Variants in PCDHGB3 observed in about 807,000 individuals in gnomAD.
PCDHGB3 encodes the protein protocadherin gamma-B3.
A neutral mutation model predicts 59.2 loss-of-function variants in PCDHGB3; 40 were observed. The ratio of observed to expected loss-of-function variants is 0.68; its 90% confidence interval spans 0.52 to 0.88. The LOEUF is 0.88. Among genes scored for constraint, PCDHGB3 ranks in the 40% least tolerant of loss-of-function variants. PCDHGB3 has a pLI of 0.00. For synonymous variants in PCDHGB3, 581 were observed against 503.6 expected, an observed-to-expected ratio of 1.15 and a Z score of -2.06; for missense variants, 1,309 against 1,187.9, an observed-to-expected ratio of 1.10 and a Z score of -1.50.
intron 1 of PCDHGB3, chr5:141,392,231 C>T (rs1225616326): frequency 6.6e-6 from 1 of 152,078 alleles, no homozygotes; most frequent in Non-Finnish European, 1.5e-5. Context: ...AACTGAAGTT[C>T]TTAGTTATTT....
Position 141,512,703 on chromosome 5 carries a change from T to C in PCDHGB3, c.*1530T>C. ...TAGCCAGTAGTGTAGTGCGGTGTGC[T>C]TTTACGTGATGGCGGGTGGGCAGCG... On this transcript the variant is annotated 3_prime_UTR_variant, in exon 4 of 4. Coordinates refer to ENST00000576222, the MANE Select transcript of PCDHGB3 (RefSeq NM_018924.5). 1 of 152,958 alleles carries C rather than the reference T, an allele frequency of 6.5e-6. No individual in the cohort carries two copies. Among genetic ancestry groups the C allele is most frequent in the East Asian group, 1.9e-4 (1 of 5,212 alleles). 9.5% of individuals were successfully genotyped at this position (152,958 alleles called of 1,614,324 possible).
rs67622091 is a variant in PCDHGB3 at position 141,388,335 on chromosome 5, C to T, written c.2415+15526C>T. ...AAGTGAGTCTGCACAGCCTGGCACA[C>T]GATTTATATTAGGATCTGCCCATGA... On this transcript the variant is annotated intron_variant, in intron 1 of 3. Transcript: ENST00000576222. 13 of 1,613,842 alleles carry T rather than the reference C, an allele frequency of 8.1e-6. No homozygotes were observed. In the East Asian group the frequency reaches 1.8e-4, roughly 22 times the overall value.
intron 1 of PCDHGB3, among the ~76,000 whole-genome samples, chr5:141,458,227 G>T (rs2154566190): frequency 6.6e-6 from 1 of 152,284 alleles, no homozygotes; most frequent in South Asian, 2.1e-4. Context: ...TCCTTTCCCA[G>T]TCCATGCACC....
intron 1 of PCDHGB3, among the ~76,000 whole-genome samples, chr5:141,488,571 A>G (rs2099677106): frequency 6.6e-6 from 1 of 152,194 alleles, no homozygotes; most frequent in East Asian, 1.9e-4. Flanking sequence ...TCCGCAAAGC[A>G]TTGCTGGAGA....
Position 141,388,463 on chromosome 5 carries a change from G to A in PCDHGB3, c.2415+15654G>A, listed in dbSNP as rs367941349. Reference sequence around the variant, plus strand: ...AATCAGATGGCAGTAAATACCCTGAGATGGTATTGAAGACACCTTTGGACA... The same window carrying A: ...AATCAGATGGCAGTAAATACCCTGAAATGGTATTGAAGACACCTTTGGACA... On this transcript the variant is annotated intron_variant, in intron 1 of 3. Coordinates refer to ENST00000576222, the MANE Select transcript of PCDHGB3 (RefSeq NM_018924.5). 143 of 1,613,666 alleles carry A rather than the reference G, an allele frequency of 8.9e-5. 2 individuals are homozygous for A. The highest frequency in any genetic ancestry group is 1.3e-5 in the Non-Finnish European group (15 of 1,179,854).
At position 141,405,002 on chromosome 5, in the gene PCDHGB3, C is replaced by T. The variant is rs2154535993; in HGVS notation, c.2415+32193C>T. ...GGGCAGTCTTCAGATCCCTGCAGAC[C>T]TGGAGGCCTCAGACCTTACCCTCTA... is the stretch of plus-strand genomic sequence containing the variant. On this transcript the variant is annotated intron_variant, in intron 1 of 3. Transcript: ENST00000576222. The T allele has an allele frequency of 1.9e-6, 3 of 1,613,870 alleles. No homozygotes were observed. In the East Asian group the frequency reaches 6.7e-5, roughly 36 times the overall value.
chr5:141,484,869 G>C (rs2154580238), intron 1 of PCDHGB3: 1 of 292,558 alleles, frequency 3.4e-6, no homozygotes, highest in African/African-American at 2.2e-5. Flanking sequence ...GGGGGAGCGT[G>C]GAGGATAGGG....
intron 1 of PCDHGB3, chr5:141,442,416 T>A (rs2098323395): frequency 6.6e-6 from 1 of 152,206 alleles, no homozygotes; most frequent in Non-Finnish European, 1.5e-5. Flanking sequence ...CTGAGTGAAC[T>A]TCTTTTTTGA....
At position 141,370,622 on chromosome 5, in the gene PCDHGB3, C is replaced by A. The variant is rs756641778; in HGVS notation, c.228C>A (p.Thr76=). 3 of 1,613,902 alleles carry A rather than the reference C, an allele frequency of 1.9e-6. No individual in the cohort carries two copies. The highest frequency in any genetic ancestry group is 2.5e-6 in the Non-Finnish European group (3 of 1,179,876). The change falls in exon 1 of 4, where the codon ACC becomes ACA. Residue 76 remains threonine (T), a synonymous_variant. Transcript: ENST00000576222. The stretch of plus-strand genomic sequence containing the variant: ...TTATTGCAGAGAAGAAATTCTTTAC[C>A]GTGAGCCCCGAAAATGGGAACTTAC... ...LRVIAEKKFF[T]VSPENGNLLV...
intron 1 of PCDHGB3, among the ~76,000 whole-genome samples, chr5:141,386,804 A>T (rs976518864): frequency 6.6e-6 from 1 of 152,238 alleles, no homozygotes; most frequent in Non-Finnish European, 1.5e-5. Context: ...AATTTATTAG[A>T]TGCATAAAAT....
chr5:141,507,810 G>A (rs550331241), intron 3 of PCDHGB3, among the ~76,000 whole-genome samples: 1 of 152,290 alleles, frequency 6.6e-6, no homozygotes, highest in African/African-American at 2.4e-5. Context: ...CCTGGGGAAC[G>A]GACCCTGGGG....
intron 1 of PCDHGB3, chr5:141,382,797 G>A: frequency 5.0e-6 from 5 of 999,472 alleles, no homozygotes; most frequent in Non-Finnish European, 5.9e-6. Context: ...TATCCTGCTG[G>A]ATTCTGAGCT....
intron 1 of PCDHGB3, chr5:141,419,126 G>A: frequency 6.2e-7 from 1 of 1,613,770 alleles, no homozygotes; most frequent in Non-Finnish European, 8.5e-7. Context: ...CGTCACCATC[G>A]CAGCCACAGA....
chr5:141,457,301 CCAAA>C (rs1163780799), intron 1 of PCDHGB3, among the ~76,000 whole-genome samples: 1 of 152,090 alleles, frequency 6.6e-6, no homozygotes, highest in Non-Finnish European at 1.5e-5. Context: ...TTTTATTTTC[CCAAA>C]CAAAGAAACC....
Position 141,431,980 on chromosome 5 carries a change from C to G in PCDHGB3, c.2415+59171C>G. The G allele has an allele frequency of 6.2e-7, 1 of 1,614,214 alleles. No homozygotes were observed. The highest frequency in any genetic ancestry group is 8.5e-7 in the Non-Finnish European group (1 of 1,180,024). ...GAAATTACTATAGTTTAGTCACAGACATAGTCTTGGATAGGGAACAGGTTC... is the reference window on the plus strand; with the variant it reads ...GAAATTACTATAGTTTAGTCACAGAGATAGTCTTGGATAGGGAACAGGTTC... On this transcript the variant is annotated intron_variant, in intron 1 of 3. Transcript: ENST00000576222. The surrounding 1 kb of genome is among the most constrained non-coding windows in gnomAD (Gnocchi z 4.8).
intron 1 of PCDHGB3, among the ~76,000 whole-genome samples, chr5:141,407,155 TG>T (rs1451933301): frequency 1.3e-5 from 2 of 152,232 alleles, no homozygotes; most frequent in Non-Finnish European, 2.9e-5. Flanking sequence ...CTGAAGTGTC[TG>T]GGAATCCTTT....
At chr5:141,435,010 G>A (rs2097736933) in intron 1 of PCDHGB3, among the ~76,000 whole-genome samples, 1 of 151,950 alleles carries the variant, frequency 6.6e-6, no homozygotes, top group Non-Finnish European at 1.5e-5. Flanking sequence ...ATTTATCAAT[G>A]ATAATGCTCT....
chr5:141,478,882 A>G, intron 1 of PCDHGB3: 1 of 1,200,164 alleles, frequency 8.3e-7, no homozygotes. Context: ...TTAGCTTGGT[A>G]TCATTTACAT....
rs182282975 is a variant in PCDHGB3 at position 141,420,903 on chromosome 5, A to G, written c.2415+48094A>G. The G allele has an allele frequency of 1.7e-5, 5 of 296,804 alleles. No individual in the cohort carries two copies. In the Admixed American group the frequency reaches 1.8e-4, roughly 11 times the overall value. The allele number at this position is 296,804 out of a possible 1,614,324, so 18.4% of individuals were successfully genotyped here. On this transcript the variant is annotated intron_variant, in intron 1 of 3. Transcript: ENST00000576222. ...TGTATCATCGTTTTTAAGCTCTACA[A>G]ATACGTGTGATTCACAAAGGTGAGC...
Sources: gnomAD v4.1 joint callset for allele counts (sites outside exome capture counted in the v4.1 genomes callset) on GRCh38, gnomAD v4.1.1 for gene constraint, Gnocchi (gnomAD v3.1) non-coding constraint, MANE v1.5 for transcripts, NCBI Gene and HGNC (gene_info 2026-07-23, HGNC 2026-07-21) for gene names.